Variants in SCD5 observed in about 807,000 individuals in gnomAD.
The protein encoded by SCD5 is acyl-CoA-desaturase 4.
In SCD5, 20 loss-of-function variants were observed where a neutral mutation model predicts 30.4. That is an observed-to-expected ratio of 0.66 (90% confidence interval 0.46 to 0.96). The LOEUF (loss-of-function observed/expected upper bound fraction) is 0.96. Ranked by LOEUF, SCD5 falls within the 40% of genes least tolerant of loss-of-function variation. SCD5 has a pLI of 0.00. For missense variants in SCD5, 381 were observed against 443.3 expected (o/e 0.86, Z 1.26); for synonymous variants, 173 against 176.4 (o/e 0.98, Z 0.16).
At chr4:82,693,846 G>A (rs1719620659) in intron 2 of SCD5, among the ~76,000 whole-genome samples, 1 of 152,194 alleles carries the variant, frequency 6.6e-6, no homozygotes, top group Non-Finnish European at 1.5e-5. Context: ...CCACCTCCCT[G>A]AAGAGGACTC....
chr4:82,705,202 G>T (rs140220431), intron 2 of SCD5, 81 bp downstream of exon 2: 4 of 1,540,974 alleles, frequency 2.6e-6, no homozygotes, highest in Non-Finnish European at 2.7e-6. Flanking sequence ...GGGGTGGAGG[G>T]GTGTCAGCCC....
intron 3 of SCD5, among the ~76,000 whole-genome samples, chr4:82,656,440 T>A (rs1327968216): frequency 6.6e-6 from 1 of 152,234 alleles, no homozygotes; most frequent in Non-Finnish European, 1.5e-5. Flanking sequence ...AACTCATCTT[T>A]TTTTATGGCT....
intron 1 of SCD5, among the ~76,000 whole-genome samples, chr4:82,789,943 G>T (rs572359785): frequency 6.0e-4 from 91 of 152,178 alleles, no homozygotes; most frequent in Middle Eastern, 3.4e-3. Flanking sequence ...GGGGTTTTTT[G>T]TTGTTGTTGT....
intron 1 of SCD5, among the ~76,000 whole-genome samples, chr4:82,797,113 G>A (rs1722241502): frequency 6.6e-6 from 1 of 152,208 alleles, no homozygotes; most frequent in African/African-American, 2.4e-5. Flanking sequence ...TTCAAGGGAA[G>A]GCTTGGAACC....
At chr4:82,644,839 T>C (rs1207581924) in intron 3 of SCD5, among the ~76,000 whole-genome samples, 1 of 152,232 alleles carries the variant, frequency 6.6e-6, no homozygotes, top group Non-Finnish European at 1.5e-5. Context: ...GAACAATTTC[T>C]GAGCATGAGC....
intron 1 of SCD5, among the ~76,000 whole-genome samples, chr4:82,771,818 A>C (rs1210598104): frequency 6.6e-6 from 1 of 152,194 alleles, no homozygotes; most frequent in Non-Finnish European, 1.5e-5. Flanking sequence ...TGTGTCAGAG[A>C]AATTTGGTTC....
chr4:82,657,628 CT>C (rs1727891299), intron 3 of SCD5, among the ~76,000 whole-genome samples: 1 of 152,110 alleles, frequency 6.6e-6, no homozygotes, highest in Non-Finnish European at 1.5e-5. Flanking sequence ...TTTTCTAAGT[CT>C]GTGAAGAAAG....
intron 3 of SCD5, among the ~76,000 whole-genome samples, chr4:82,672,258 C>G (rs1728342614): frequency 6.6e-6 from 1 of 151,788 alleles, no homozygotes; most frequent in South Asian, 2.1e-4. Context: ...ATAAATGAAA[C>G]CAAAAGCTGG....
chr4:82,696,662 G>A (rs1719702980), intron 2 of SCD5, among the ~76,000 whole-genome samples: 1 of 152,152 alleles, frequency 6.6e-6, no homozygotes, highest in Non-Finnish European at 1.5e-5. Flanking sequence ...TTTGATTTCA[G>A]AAAAATGCAA....
intron 3 of SCD5, among the ~76,000 whole-genome samples, chr4:82,679,741 A>G (rs1013387509): frequency 2.0e-5 from 3 of 152,160 alleles, no homozygotes; most frequent in Non-Finnish European, 4.4e-5. Flanking sequence ...GCGTAAAAGG[A>G]GAGGCTTTGG....
At chr4:82,689,553 T>C in intron 2 of SCD5, among the ~76,000 whole-genome samples, 1 of 152,090 alleles carries the variant, frequency 6.6e-6, no homozygotes, top group Non-Finnish European at 1.5e-5. Flanking sequence ...TTCTTTACAG[T>C]AAAATACCAA....
chr4:82,794,166 A>G (rs1056617260), intron 1 of SCD5, among the ~76,000 whole-genome samples: 3 of 152,188 alleles, frequency 2.0e-5, no homozygotes, highest in African/African-American at 7.2e-5. Context: ...TCAGGATGGT[A>G]CAGATGCTCC....
At chr4:82,789,848 A>G (rs1387897890) in intron 1 of SCD5, among the ~76,000 whole-genome samples, 3 of 152,226 alleles carry the variant, frequency 2.0e-5, no homozygotes, top group African/African-American at 7.2e-5. Context: ...TGTACCTTTT[A>G]GAAGCAGTGG....
chr4:82,708,128 C>T (rs765809929), intron 1 of SCD5, among the ~76,000 whole-genome samples: 2 of 151,964 alleles, frequency 1.3e-5, no homozygotes, highest in Non-Finnish European at 2.9e-5. Flanking sequence ...CTAATGGGTT[C>T]TATGAATAAA....
At chr4:82,792,663 A>G (rs1722124309) in intron 1 of SCD5, among the ~76,000 whole-genome samples, 1 of 152,212 alleles carries the variant, frequency 6.6e-6, no homozygotes. Flanking sequence ...TTGAGGCTGC[A>G]GTGAGCCATG....
chr4:82,635,374 C>T (rs372386210), intron 4 of SCD5, among the ~76,000 whole-genome samples: 1 of 152,106 alleles, frequency 6.6e-6, no homozygotes, highest in African/African-American at 2.4e-5. Flanking sequence ...AATCCCAGCA[C>T]TTTGGGAGGC....
At chr4:82,728,536 C>T (rs1325180934) in intron 1 of SCD5, among the ~76,000 whole-genome samples, 3 of 152,058 alleles carry the variant, frequency 2.0e-5, no homozygotes, top group African/African-American at 7.2e-5. Context: ...TATTGTAGAA[C>T]CTAAGATTGG....
At chr4:82,772,233 A>G (rs1721640069) in intron 1 of SCD5, among the ~76,000 whole-genome samples, 1 of 152,198 alleles carries the variant, frequency 6.6e-6, no homozygotes, top group South Asian at 2.1e-4. Flanking sequence ...AGGAGAAAGA[A>G]CAGACTGGAA....
intron 3 of SCD5, among the ~76,000 whole-genome samples, chr4:82,658,467 C>T (rs1353611359): frequency 6.6e-5 from 7 of 105,546 alleles, no homozygotes; most frequent in East Asian, 3.0e-4. Context: ...GGTGGATAAG[C>T]TTTTTTTTTT....
Sources: gnomAD v4.1 joint callset for allele counts (sites outside exome capture counted in the v4.1 genomes callset) on GRCh38, gnomAD v4.1.1 for gene constraint, MANE v1.5 for transcripts, NCBI Gene and HGNC (gene_info 2026-07-23, HGNC 2026-07-21) for gene names.